PLA2R1: variants seen among roughly 807,000 people sequenced by gnomAD.
PLA2R1 encodes the protein secretory phospholipase A2 receptor.
A neutral mutation model predicts 195.9 loss-of-function variants in PLA2R1; 158 were observed. The ratio of observed to expected loss-of-function variants is 0.81; its 90% CI spans 0.71 to 0.92. PLA2R1 has a LOEUF of 0.92. PLA2R1 is among the 40% of genes least tolerant of loss of function. The pLI, the probability that PLA2R1 is intolerant of heterozygous loss-of-function variation, is 0.00. For synonymous variants in PLA2R1, 586 were observed against 598.2 expected (o/e 0.98, Z 0.30); for missense variants, 1,626 against 1,764.6 (o/e 0.92, Z 1.41).
At chr2:159,983,545 G>A (rs1690116187) in intron 13 of PLA2R1, among the ~76,000 whole-genome samples, 1 of 151,628 alleles carries the variant, frequency 6.6e-6, no homozygotes, top group Non-Finnish European at 1.5e-5. Context: ...GCTCTGGTGA[G>A]GCGTGGAAGG....
chr2:160,044,843 G>A lies in PLA2R1; in HGVS notation c.424C>T (p.Arg142Trp), dbSNP rs759461803. 6.2e-6 allele frequency: 10 copies of A among 1,613,540 alleles called. No individual in the cohort carries two copies. The East Asian group carries it at 8.9e-5, about 14-fold the overall frequency. ...VAHDNTVVAS[R>W]KYIHKWISYG... ...GAAATCCACTTATGAATATACTTCCGTGAGGCCACCACTGTGTTGTCATGC... is the reference window on the plus strand; with the variant it reads ...GAAATCCACTTATGAATATACTTCCATGAGGCCACCACTGTGTTGTCATGC... The change falls in exon 2 of 30, where the codon CGG (arginine) becomes TGG (tryptophan). Residue 142 changes from arginine (R) to tryptophan (W), a missense_variant. Arg to Trp is a moderately radical substitution (Grantham distance 101). Coordinates refer to ENST00000283243, the MANE Select transcript of PLA2R1 (RefSeq NM_007366.5).
Position 159,940,860 on chromosome 2 carries a change from C to A in PLA2R1, c.*918G>T, listed in dbSNP as rs1687053543. 1 of 152,148 alleles carries A rather than the reference C, an allele frequency of 6.6e-6. No individual in the cohort carries two copies. Among genetic ancestry groups the A allele is most frequent in the Non-Finnish European group, 1.5e-5 (1 of 68,016 alleles). The allele number at this position is 152,148 out of a possible 1,614,324, so 9.4% of individuals were successfully genotyped here. ...CAACATCTGTCTGGTTCTAATGAGA[C>A]TATAATTCAGATCTTTAGCTCTTCT... On this transcript the variant is annotated 3_prime_UTR_variant, in exon 30 of 30. Transcript: ENST00000283243.
chr2:160,042,793 GT>G lies in PLA2R1; in HGVS notation c.494-596del, dbSNP rs1694602162. ...AGGATGAGAAGACAGAGTGGGGTGT[GT>G]GTGTGCGTGTGTGTGTGTGTGTGTG... is the stretch of plus-strand genomic sequence containing the variant. On this transcript the variant is annotated intron_variant, in intron 2 of 29. Coordinates refer to ENST00000283243, the MANE Select transcript of PLA2R1 (RefSeq NM_007366.5). Among the ~76,000 whole-genome samples the G allele has an allele frequency of 1.2e-4, 9 of 76,768 alleles. No individual in the cohort carries two copies. In the Admixed American group the frequency reaches 1.3e-3, roughly 11 times the overall value. The allele number at this position is 76,768 out of a possible 152,430, so 50.4% of individuals were successfully genotyped here.
intron 28 of PLA2R1, among the ~76,000 whole-genome samples, chr2:159,943,456 C>T (rs1372982678): frequency 6.6e-6 from 1 of 152,006 alleles, no homozygotes; most frequent in East Asian, 1.9e-4. Flanking sequence ...TTGGGATAAC[C>T]ATCACTTTAA....
At chr2:160,018,036 T>A (rs1363138265) in intron 8 of PLA2R1, among the ~76,000 whole-genome samples, 1 of 152,182 alleles carries the variant, frequency 6.6e-6, no homozygotes, top group Non-Finnish European at 1.5e-5. Flanking sequence ...GGGGAACTTG[T>A]TAATTATAAT....
At position 160,043,139 on chromosome 2, in the gene PLA2R1, C is replaced by G. The variant is rs950203007; in HGVS notation, c.494-941G>C. 2.0e-5 allele frequency among the ~76,000 whole-genome samples: 3 copies of G among 152,172 alleles called. No individual in the cohort carries two copies. The East Asian group carries it at 5.8e-4, about 29-fold the overall frequency. ...AGTGTCAGTGCACATAGAGCTGTCTCCCCGCCATACTGCGGGCTTTGGCCT... is the reference window on the plus strand; with the variant it reads ...AGTGTCAGTGCACATAGAGCTGTCTGCCCGCCATACTGCGGGCTTTGGCCT... On this transcript the variant is annotated intron_variant, in intron 2 of 29. Transcript: ENST00000283243.
At chr2:159,924,491 G>A in the PLA2R1 span, among the ~76,000 whole-genome samples, 1 of 152,192 alleles carries the variant, frequency 6.6e-6, no homozygotes, top group Admixed American at 6.5e-5. Flanking sequence ...CTGGGGAGTA[G>A]CTTCATGTCA....
rs868167147 is a variant in PLA2R1 at position 159,944,905 on chromosome 2, C to T, written c.4144+1G>A. The T allele has an allele frequency of 6.2e-7, 1 of 1,607,724 alleles. No homozygotes were observed. Among genetic ancestry groups the T allele is most frequent in the Non-Finnish European group, 8.5e-7 (1 of 1,174,688 alleles). Reference sequence around the variant, plus strand: ...AAGAATTACTCTCTGACTTTACCTACCTGCCTCCATTTTACATATAAAGCC... The same window carrying T: ...AAGAATTACTCTCTGACTTTACCTATCTGCCTCCATTTTACATATAAAGCC... On this transcript the variant is annotated splice_donor_variant, in intron 28 of 29. Transcript: ENST00000283243. LOFTEE classifies it high-confidence loss of function.
Position 160,042,329 on chromosome 2 carries a change from C to T in PLA2R1, c.494-131G>A, listed in dbSNP as rs139683647. 1.1e-5 allele frequency: 7 copies of T among 657,644 alleles called. No individual in the cohort carries two copies. In the Admixed American group the frequency reaches 1.4e-4, roughly 13 times the overall value. 40.7% of individuals were successfully genotyped at this position (657,644 alleles called of 1,614,324 possible). ...CAGATACTCACTACAGCAGAGTGAG[C>T]CCTCAGGTCCTCACTGTCTCCTGTC... On this transcript the variant is annotated intron_variant, in intron 2 of 29. Coordinates refer to ENST00000283243, the MANE Select transcript of PLA2R1 (RefSeq NM_007366.5).
At chr2:160,048,171 A>G (rs1694999430) in intron 1 of PLA2R1, among the ~76,000 whole-genome samples, 1 of 152,242 alleles carries the variant, frequency 6.6e-6, no homozygotes, top group South Asian at 2.1e-4. Flanking sequence ...AAATGTTAAG[A>G]GAAAAAGAGT....
chr2:159,951,798 A>G (rs951485165), intron 23 of PLA2R1, among the ~76,000 whole-genome samples: 2 of 152,234 alleles, frequency 1.3e-5, no homozygotes, highest in African/African-American at 4.8e-5. Flanking sequence ...AAACATAAAC[A>G]TAGATTGAAC....
chr2:160,024,002 T>C (rs1375649090), intron 6 of PLA2R1, among the ~76,000 whole-genome samples: 1 of 148,942 alleles, frequency 6.7e-6, no homozygotes, highest in Non-Finnish European at 1.5e-5. Context: ...ACCACCAGGG[T>C]CACCTACAGT....
At chr2:159,982,989 G>C (rs1278200939) in intron 13 of PLA2R1, among the ~76,000 whole-genome samples, 5 of 152,184 alleles carry the variant, frequency 3.3e-5, no homozygotes, top group Admixed American at 1.3e-4. Flanking sequence ...TTCCACAGAA[G>C]ATACTCTCAC....
the PLA2R1 span, among the ~76,000 whole-genome samples, chr2:159,924,888 G>A: frequency 6.6e-6 from 1 of 152,118 alleles, no homozygotes; most frequent in Non-Finnish European, 1.5e-5. Flanking sequence ...AATAACAGTT[G>A]GTTGTATGTC....
chr2:159,953,293 G>A (rs568376774), intron 23 of PLA2R1, among the ~76,000 whole-genome samples: 2 of 152,294 alleles, frequency 1.3e-5, no homozygotes, highest in Admixed American at 1.3e-4. Context: ...CTTTGCCCTT[G>A]TGTCTCTTCT....
At chr2:159,928,172 C>A (rs1686526552), downstream of PLA2R1, among the ~76,000 whole-genome samples, 1 of 152,160 alleles carries the variant, frequency 6.6e-6, no homozygotes, top group African/African-American at 2.4e-5. Context: ...CAACTAAACA[C>A]CTGCAAAAGC....
At chr2:160,002,024 G>A (rs1691631315) in intron 11 of PLA2R1, among the ~76,000 whole-genome samples, 1 of 151,062 alleles carries the variant, frequency 6.6e-6, no homozygotes. Flanking sequence ...AGTACATATG[G>A]GATATATATA....
chr2:160,058,639 G>T (rs1877196), intron 1 of PLA2R1, among the ~76,000 whole-genome samples: 49,380 of 151,878 alleles, frequency 0.33, 9,990 homozygotes, highest in Non-Finnish European at 0.44. Flanking sequence ...CTTTCTCCCC[G>T]CTGTCCACTT....
chr2:160,024,540 G>A (rs1474142769), intron 6 of PLA2R1, among the ~76,000 whole-genome samples: 1 of 152,202 alleles, frequency 6.6e-6, no homozygotes, highest in Non-Finnish European at 1.5e-5. Context: ...AGGCACCTGA[G>A]CTGAAGTGGC....
Sources: allele counts gnomAD v4.1 joint callset (sites outside exome capture counted in the v4.1 genomes callset), GRCh38; gene constraint gnomAD v4.1.1; transcripts MANE v1.5; gene names NCBI Gene and HGNC (gene_info 2026-07-23, HGNC 2026-07-21).